ARSB: variants seen among roughly 807,000 people sequenced by gnomAD.
ARSB encodes the protein arylsulfatase B.
ARSB carries 41 observed loss-of-function variants against 50.9 expected under a neutral mutation model. The ratio of observed to expected loss-of-function variants is 0.81; its 90% CI spans 0.63 to 1.04. ARSB has a LOEUF of 1.04. ARSB is among the 50% of genes least tolerant of loss of function. The pLI, the probability that ARSB is intolerant of heterozygous loss-of-function variation, is 0.00. For missense variants in ARSB, 672 were observed against 693.3 expected (o/e 0.97, Z 0.35); for synonymous variants, 269 against 284.8 (o/e 0.94, Z 0.56).
At chr5:78,853,818 G>T (rs1286282685) in intron 5 of ARSB, among the ~76,000 whole-genome samples, 1 of 152,230 alleles carries the variant, frequency 6.6e-6, no homozygotes, top group Non-Finnish European at 1.5e-5. Flanking sequence ...TCAGACTGCT[G>T]TGCTAGCAAT....
chr5:78,911,369 T>C (rs1749297581), intron 4 of ARSB, among the ~76,000 whole-genome samples: 1 of 151,298 alleles, frequency 6.6e-6, no homozygotes, highest in African/African-American at 2.4e-5. Context: ...AGGTCAGGAG[T>C]TTGAGACCAG....
chr5:78,917,799 C>A (rs370157699), intron 4 of ARSB, among the ~76,000 whole-genome samples: 28 of 152,338 alleles, frequency 1.8e-4, no homozygotes, highest in African/African-American at 6.7e-4. Context: ...AGGAGTGAGC[C>A]ACTGTGCCCA....
intron 4 of ARSB, among the ~76,000 whole-genome samples, chr5:78,909,080 C>A (rs1186211978): frequency 6.6e-6 from 1 of 152,206 alleles, no homozygotes; most frequent in Non-Finnish European, 1.5e-5. Context: ...ACATTTCATG[C>A]AAGGAATACT....
rs963095623 is a variant in ARSB at position 78,984,997 on chromosome 5, G to C, written c.252C>G (p.Asn84Lys). 6 of 1,536,668 alleles carry C rather than the reference G, an allele frequency of 3.9e-6. No individual in the cohort carries two copies. The highest frequency in any genetic ancestry group is 1.2e-5 in the South Asian group (1 of 82,730). ...ALAAGGVLLD[N>K]YYTQPLCTPS... ...GCGTGCACAGCGGCTGCGTGTAGTA[G>C]TTGTCCAGGAGCACCCCGCCGGCCG... Residue 84 changes from asparagine (N) to lysine (K), a missense_variant, in exon 1 of 8, where the codon AAC becomes AAG. Physicochemically the swap from Asn to Lys is moderately conservative, Grantham distance 94. Transcript: ENST00000264914.
chr5:78,943,261 G>C (rs1248626675), intron 4 of ARSB, among the ~76,000 whole-genome samples: 1 of 152,124 alleles, frequency 6.6e-6, no homozygotes, highest in Non-Finnish European at 1.5e-5. Context: ...CTTTTAATTG[G>C]AGCATTTAGC....
intron 6 of ARSB, among the ~76,000 whole-genome samples, chr5:78,807,088 G>A (rs73767434): frequency 6.6e-6 from 1 of 152,326 alleles, no homozygotes; most frequent in African/African-American, 2.4e-5. Flanking sequence ...TTGGGGTGTG[G>A]TGATGGAAGG....
At position 78,789,421 on chromosome 5, in the gene ARSB, A is replaced by G. The variant is rs72762941; in HGVS notation, c.1214-7447T>C. 1.1e-3 allele frequency among the ~76,000 whole-genome samples: 172 copies of G among 152,352 alleles called. 2 individuals are homozygous for G. Among genetic ancestry groups the G allele is most frequent in the Non-Finnish European group, 1.4e-3 (98 of 68,042 alleles). On this transcript the variant is annotated intron_variant, in intron 6 of 7. Transcript: ENST00000264914. ...GAGCATGGGTAGAGATCAGCAAGAA[A>G]TTAGTAGAGAATCTAATAATCCATC...
At chr5:78,861,312 A>C (rs1746424744) in intron 5 of ARSB, among the ~76,000 whole-genome samples, 1 of 152,182 alleles carries the variant, frequency 6.6e-6, no homozygotes, top group Non-Finnish European at 1.5e-5. Context: ...ACAACAAAAA[A>C]AGAGAATTTT....
At chr5:78,971,928 A>G (rs377754211) in intron 1 of ARSB, among the ~76,000 whole-genome samples, 57 of 152,362 alleles carry the variant, frequency 3.7e-4, no homozygotes, top group African/African-American at 1.1e-3. Context: ...AGTGAGTTTA[A>G]GTTTCCTACT....
At chr5:78,784,974 A>AT (rs1367464229) in intron 6 of ARSB, among the ~76,000 whole-genome samples, 1 of 151,454 alleles carries the variant, frequency 6.6e-6, no homozygotes, top group Non-Finnish European at 1.5e-5. Flanking sequence ...AATTTTTTGT[A>AT]TTTTTAGTAG....
At chr5:78,898,191 C>G (rs1353962965) in intron 4 of ARSB, among the ~76,000 whole-genome samples, 1 of 152,094 alleles carries the variant, frequency 6.6e-6, no homozygotes, top group Non-Finnish European at 1.5e-5. Flanking sequence ...TCGCTTGAAC[C>G]CGGGAGGCAA....
chr5:78,949,944 A>G (rs978886022), intron 4 of ARSB, among the ~76,000 whole-genome samples: 1 of 152,134 alleles, frequency 6.6e-6, no homozygotes, highest in African/African-American at 2.4e-5. Flanking sequence ...AAGAGTTAAT[A>G]TAAATACACA....
intron 6 of ARSB, among the ~76,000 whole-genome samples, chr5:78,828,998 AC>A (rs1460084270): frequency 3.9e-5 from 6 of 152,326 alleles, no homozygotes; most frequent in Middle Eastern, 3.4e-3. Context: ...CTAGAAAAGG[AC>A]CCAACCTTCC....
At chr5:78,890,355 A>G (rs1179353281) in intron 4 of ARSB, among the ~76,000 whole-genome samples, 1 of 150,936 alleles carries the variant, frequency 6.6e-6, no homozygotes, top group Non-Finnish European at 1.5e-5. Flanking sequence ...GGCTCAATCA[A>G]TCCTCCCACT....
At chr5:78,841,164 ACTAC>A (rs1745189159) in intron 5 of ARSB, among the ~76,000 whole-genome samples, 21 of 133,452 alleles carry the variant, frequency 1.6e-4, no homozygotes, top group Admixed American at 2.4e-4. Flanking sequence ...TACTACTACT[ACTAC>A]TAATAATAAT....
chr5:78,946,190 G>C (rs767148060), intron 4 of ARSB, among the ~76,000 whole-genome samples: 4 of 152,210 alleles, frequency 2.6e-5, no homozygotes, highest in Non-Finnish European at 5.9e-5. Flanking sequence ...ATCAGAGAAG[G>C]ATTAGAAGTG....
chr5:78,868,759 G>A (rs1285233039), intron 5 of ARSB, among the ~76,000 whole-genome samples: 1 of 136,558 alleles, frequency 7.3e-6, no homozygotes, highest in Non-Finnish European at 1.6e-5. Context: ...ATCAACTAAC[G>A]AGCAAAATCA....
intron 4 of ARSB, among the ~76,000 whole-genome samples, chr5:78,950,789 C>T (rs1042136062): frequency 6.6e-6 from 1 of 152,206 alleles, no homozygotes; most frequent in Non-Finnish European, 1.5e-5. Flanking sequence ...CCAGAGGCCA[C>T]AAGACGGCCA....
chr5:78,786,350 T>C (rs2112625114), intron 6 of ARSB, among the ~76,000 whole-genome samples: 1 of 152,376 alleles, frequency 6.6e-6, no homozygotes, highest in Non-Finnish European at 1.5e-5. Context: ...AAATAATGAA[T>C]AATATTCCTT....
Sources: gnomAD v4.1 joint callset for allele counts (sites outside exome capture counted in the v4.1 genomes callset) on GRCh38, gnomAD v4.1.1 for gene constraint, MANE v1.5 for transcripts, NCBI Gene and HGNC (gene_info 2026-07-23, HGNC 2026-07-21) for gene names.